ATF2: variants seen among roughly 807,000 people sequenced by gnomAD.
ATF2 encodes cyclic AMP-dependent transcription factor ATF-2.
A neutral mutation model predicts 60.6 loss-of-function variants in ATF2; 24 were observed. The ratio of observed to expected loss-of-function variants is 0.40; its 90% CI spans 0.29 to 0.56. The LOEUF (loss-of-function observed/expected upper bound fraction) is 0.56, where lower values mean the gene tolerates loss of function less well. Ranked by LOEUF, ATF2 falls within the 20% of genes least tolerant of loss-of-function variation. The pLI, the probability that ATF2 is intolerant of heterozygous loss-of-function variation, is 0.54. For synonymous variants in ATF2, 206 were observed against 215.4 expected, an observed-to-expected ratio of 0.96 and a Z score of 0.38; for missense variants, 433 against 607.7, an observed-to-expected ratio of 0.71 and a Z score of 3.02.
At chr2:175,139,677 A>T (rs545535080) in intron 2 of ATF2, among the ~76,000 whole-genome samples, 50 of 151,968 alleles carry the variant, frequency 3.3e-4, no homozygotes, top group African/African-American at 1.0e-3. Context: ...AAAAAAAAAA[A>T]AAGAAAAGAA....
chr2:175,114,657 G>T, intron 8 of ATF2, 33 bp downstream of exon 8: 3 of 1,596,560 alleles, frequency 1.9e-6, no homozygotes, highest in Non-Finnish European at 2.6e-6. Context: ...CTTAATTCAT[G>T]TATATGTTCA....
chr2:175,143,147 C>T (rs1015180096), intron 2 of ATF2, among the ~76,000 whole-genome samples: 1 of 151,692 alleles, frequency 6.6e-6, no homozygotes, highest in Non-Finnish European at 1.5e-5. Flanking sequence ...TACAGAAGGG[C>T]AAAAAGAAAA....
chr2:175,110,112 G>A (rs1192124592), intron 10 of ATF2, among the ~76,000 whole-genome samples: 1 of 152,050 alleles, frequency 6.6e-6, no homozygotes, highest in African/African-American at 2.4e-5. Context: ...TGGGGAGGGG[G>A]GATCACGAGG....
At chr2:175,079,404 T>C (rs1235277605) in intron 13 of ATF2, among the ~76,000 whole-genome samples, 2 of 152,276 alleles carry the variant, frequency 1.3e-5, no homozygotes, top group East Asian at 1.9e-4. Flanking sequence ...TAGGAAATTA[T>C]GTTGTTAAGT....
In ATF2 at chr2:175,075,089, T is replaced by C. The variant is rs1693204204; in HGVS notation, c.1292-254A>G. On this transcript the variant is annotated intron_variant, in intron 13 of 13. Coordinates refer to ENST00000264110, the MANE Select transcript of ATF2 (RefSeq NM_001880.4). ...GGAATAGAGCTGAAGAAATATTTGC[T>C]AAATAGTGTTAAAGAAAGAAAATGA... The C allele has an allele frequency of 7.7e-6, 10 of 1,298,092 alleles. No homozygotes were observed. In the South Asian group the frequency reaches 1.6e-4, roughly 20 times the overall value. The allele number at this position is 1,298,092 out of a possible 1,614,324, so 80.4% of individuals were successfully genotyped here.
At chr2:175,136,804 A>G (rs757665241) in intron 2 of ATF2, among the ~76,000 whole-genome samples, 5 of 152,204 alleles carry the variant, frequency 3.3e-5, no homozygotes, top group Non-Finnish European at 7.4e-5. Flanking sequence ...CACTGATGAG[A>G]ATGATGCAAC....
At chr2:175,108,066 C>T (rs1463488992) in intron 10 of ATF2, among the ~76,000 whole-genome samples, 1 of 151,298 alleles carries the variant, frequency 6.6e-6, no homozygotes, top group African/African-American at 2.4e-5. Context: ...CCCGGCTGCC[C>T]AGTCTGGGAA....
At chr2:175,127,550 C>G (rs931547182) in intron 4 of ATF2, among the ~76,000 whole-genome samples, 2 of 152,104 alleles carry the variant, frequency 1.3e-5, no homozygotes, top group Admixed American at 6.6e-5. Context: ...TGAATAAAAC[C>G]CAAACACCTT....
chr2:175,119,519 C>T (rs1019836260), intron 5 of ATF2, among the ~76,000 whole-genome samples: 1 of 151,526 alleles, frequency 6.6e-6, no homozygotes, highest in African/African-American at 2.4e-5. Context: ...AAATATATTT[C>T]ACACTAAAAT....
intron 12 of ATF2, among the ~76,000 whole-genome samples, chr2:175,089,328 T>A (rs907283974): frequency 2.3e-4 from 35 of 152,324 alleles, no homozygotes; most frequent in African/African-American, 6.7e-4. Context: ...AATGCGGCAA[T>A]AAGGTTGAAT....
At chr2:175,128,267 G>A (rs1246302662) in intron 4 of ATF2, among the ~76,000 whole-genome samples, 3 of 152,160 alleles carry the variant, frequency 2.0e-5, no homozygotes, top group South Asian at 2.1e-4. Context: ...TTGGGAGGCC[G>A]AGGCAGGCGG....
intron 5 of ATF2, 78 bp downstream of exon 5, chr2:175,121,349 ATCACCAGACTATATTAT>A: frequency 1.5e-6 from 1 of 685,652 alleles, no homozygotes; most frequent in Non-Finnish European, 2.2e-6. Context: ...TCATTGGAAT[ATCACCAGACTATATTAT>A]TTACAGAGAA....
At chr2:175,085,699 T>C (rs1694124115) in intron 12 of ATF2, among the ~76,000 whole-genome samples, 1 of 152,062 alleles carries the variant, frequency 6.6e-6, no homozygotes, top group African/African-American at 2.4e-5. Flanking sequence ...TTGATCTAAT[T>C]AGACTACCTG....
Position 175,167,488 on chromosome 2 carries a change from C to T in ATF2, c.-143+562G>A, listed in dbSNP as rs564308177. The T allele has an allele frequency of 1.0e-4, 41 of 403,122 alleles. No individual in the cohort carries two copies. The East Asian group carries it at 2.1e-3, about 20-fold the overall frequency. 25.0% of individuals were successfully genotyped at this position (403,122 alleles called of 1,614,324 possible). ...TCTCCACACCATTCTTTCCTTCAAG[C>T]TGCACCGCAGCCAGGGACCCTGATT... On this transcript the variant is annotated intron_variant, in intron 1 of 13. Transcript: ENST00000264110.
intron 2 of ATF2, 41 bp from the exon 3 acceptor site, chr2:175,136,527 G>T: frequency 7.9e-7 from 1 of 1,265,656 alleles, no homozygotes; most frequent in South Asian, 1.3e-5. Flanking sequence ...AAATAGTTCT[G>T]AAACACTTCT....
In ATF2 at chr2:175,134,111, A is replaced by C. The variant is rs1197964616; in HGVS notation, c.32+2301T>G. Among the ~76,000 whole-genome samples the C allele has an allele frequency of 2.6e-5, 4 of 152,204 alleles. No individual in the cohort carries two copies. The East Asian group carries it at 7.7e-4, about 29-fold the overall frequency. On this transcript the variant is annotated intron_variant, in intron 3 of 13. Coordinates refer to ENST00000264110, the MANE Select transcript of ATF2 (RefSeq NM_001880.4). The stretch of plus-strand genomic sequence containing the variant: ...ATTCAATCAATCTTGGATCAAAAAT[A>C]TGTGAGAAAAAACTGCATCTGTACT...
chr2:175,123,963 T>A (rs1305823362), intron 4 of ATF2, among the ~76,000 whole-genome samples: 1 of 152,080 alleles, frequency 6.6e-6, no homozygotes, highest in Non-Finnish European at 1.5e-5. Context: ...GAAAAGGCAA[T>A]CTTGTGAAAA....
At chr2:175,108,864 G>C (rs893986200) in intron 10 of ATF2, among the ~76,000 whole-genome samples, 5 of 152,160 alleles carry the variant, frequency 3.3e-5, no homozygotes, top group Non-Finnish European at 7.3e-5. Flanking sequence ...GTTGATCTAT[G>C]ACCTTACCCC....
At chr2:175,113,807 G>A (rs180742637) in intron 9 of ATF2, among the ~76,000 whole-genome samples, 187 bp downstream of exon 9, 24 of 151,604 alleles carry the variant, frequency 1.6e-4, no homozygotes, top group African/African-American at 5.8e-4. Context: ...AAGGTTTTGG[G>A]GAGAAGAGAA....
Sources: gnomAD v4.1 joint callset for allele counts (sites outside exome capture counted in the v4.1 genomes callset) on GRCh38, gnomAD v4.1.1 for gene constraint, MANE v1.5 for transcripts, NCBI Gene and HGNC (gene_info 2026-07-23, HGNC 2026-07-21) for gene names.